The following CDH13 variants were observed in gnomAD, a reference collection of about 807,000 sequenced individuals.
CDH13 encodes cadherin 13.
In CDH13, 24 loss-of-function variants were observed where a neutral mutation model predicts 63.8. The ratio of observed to expected loss-of-function variants is 0.38; its 90% CI spans 0.27 to 0.53. The LOEUF (loss-of-function observed/expected upper bound fraction) is 0.53. Among genes scored for constraint, CDH13 ranks in the 20% least tolerant of loss-of-function variants. The pLI is 0.85. For synonymous variants in CDH13, 503 were observed against 355.3 expected (o/e 1.42, Z -4.67); for missense variants, 1,049 against 903.1 (o/e 1.16, Z -2.07).
At chr16:83,301,001 A>T (rs1350496305) in intron 5 of CDH13, among the ~76,000 whole-genome samples, 1 of 147,184 alleles carries the variant, frequency 6.8e-6, no homozygotes, top group Non-Finnish European at 1.5e-5. Flanking sequence ...GCACATGTTG[A>T]ACTGATACAT....
At chr16:83,254,952 T>TTTCTTTCTTTCG (rs1906040609) in intron 5 of CDH13, among the ~76,000 whole-genome samples, 70 of 145,610 alleles carry the variant, frequency 4.8e-4, no homozygotes, top group African/African-American at 1.7e-3. Flanking sequence ...TCTTTTTCTC[T>TTTCTTTCTTTCG]TTCTTTCTTT....
intron 6 of CDH13, among the ~76,000 whole-genome samples, chr16:83,415,474 A>T (rs1336249768): frequency 6.6e-6 from 1 of 152,158 alleles, no homozygotes; most frequent in East Asian, 1.9e-4. Context: ...AAGAAAACAA[A>T]AGACCAATAT....
chr16:83,536,243 G>C (rs1426233738), intron 7 of CDH13, among the ~76,000 whole-genome samples: 6 of 152,350 alleles, frequency 3.9e-5, no homozygotes, highest in Admixed American at 3.9e-4. Context: ...TTACAATGTA[G>C]TTGGGGGGAC....
At chr16:83,551,056 A>ATATCTATCTGTC in intron 7 of CDH13, among the ~76,000 whole-genome samples, 1 of 148,474 alleles carries the variant, frequency 6.7e-6, no homozygotes, top group East Asian at 2.0e-4. Flanking sequence ...TAAGTCATTT[A>ATATCTATCTGTC]TATCTATCTA....
rs893135454 is a variant in CDH13, at chr16:82,928,140, A to G, written c.157+69667A>G. ...CTATTTGGTCATTTTTCTCCATTCA[A>G]TAATATAAAGTAGGCAGTCGTGTAT... On this transcript the variant is annotated intron_variant, in intron 2 of 13. Transcript: ENST00000567109. Among the ~76,000 whole-genome samples, 6 of 145,836 alleles carry G rather than the reference A, an allele frequency of 4.1e-5. 1 individual carries two copies. The highest frequency in any genetic ancestry group is 9.0e-5 in the Non-Finnish European group (6 of 66,716).
intron 10 of CDH13, chr16:83,735,544 C>T (rs1911461139): frequency 6.6e-6 from 1 of 152,142 alleles, no homozygotes; most frequent in Non-Finnish European, 1.5e-5. Flanking sequence ...CTTCTTCAGC[C>T]CTCTCCCTGC....
chr16:83,568,824 C>T (rs1004524765), intron 7 of CDH13, among the ~76,000 whole-genome samples: 5 of 152,318 alleles, frequency 3.3e-5, no homozygotes, highest in Middle Eastern at 3.4e-3. Context: ...AAGCCACTCA[C>T]TTGCTGTTCT....
At chr16:82,904,825 G>A (rs903928090) in intron 2 of CDH13, among the ~76,000 whole-genome samples, 2 of 152,164 alleles carry the variant, frequency 1.3e-5, no homozygotes, top group Admixed American at 6.6e-5. Context: ...GTGGGCCACC[G>A]TTTCCCATGA....
intron 2 of CDH13, among the ~76,000 whole-genome samples, chr16:82,986,097 T>C (rs1008376472): frequency 6.6e-5 from 10 of 152,258 alleles, no homozygotes; most frequent in African/African-American, 2.2e-4. Context: ...AATGGACTAA[T>C]ACAGTAATAC....
At chr16:83,728,342 C>CGTGTGTGTGTGT (rs145865689) in intron 10 of CDH13, among the ~76,000 whole-genome samples, 38,765 of 149,132 alleles carry the variant, frequency 0.26, 5,189 homozygotes, top group Admixed American at 0.35. Context: ...TATGTGTGTG[C>CGTGTGTGTGTGT]GTGTGTGTGT....
chr16:83,278,029 C>A (rs2089046661), intron 5 of CDH13, among the ~76,000 whole-genome samples: 1 of 152,140 alleles, frequency 6.6e-6, no homozygotes, highest in African/African-American at 2.4e-5. Flanking sequence ...GATAAAAGGT[C>A]TCATAGTTCC....
At chr16:83,462,399 C>G (rs2073204438) in intron 6 of CDH13, among the ~76,000 whole-genome samples, 1 of 152,190 alleles carries the variant, frequency 6.6e-6, no homozygotes, top group African/African-American at 2.4e-5. Context: ...ATTTCAGTTT[C>G]TAGCTCTTTA....
intron 5 of CDH13, among the ~76,000 whole-genome samples, chr16:83,283,314 G>A (rs186142648): frequency 2.0e-4 from 30 of 152,252 alleles, no homozygotes; most frequent in African/African-American, 6.7e-4. Flanking sequence ...AGAATGGCTG[G>A]GTACGGTGGC....
At chr16:83,435,071 TC>T (rs1349011340) in intron 6 of CDH13, among the ~76,000 whole-genome samples, 4 of 150,730 alleles carry the variant, frequency 2.7e-5, no homozygotes, top group Non-Finnish European at 5.9e-5. Context: ...CGAGAGAGTT[TC>T]GCTCCTGTTT....
intron 4 of CDH13, among the ~76,000 whole-genome samples, chr16:83,216,138 T>C (rs2039501182): frequency 6.6e-6 from 1 of 151,774 alleles, no homozygotes; most frequent in Non-Finnish European, 1.5e-5. Context: ...GGAACTACTC[T>C]CCTCCACCTT....
intron 1 of CDH13, among the ~76,000 whole-genome samples, chr16:82,853,830 AT>A (rs1197523094): frequency 6.6e-6 from 1 of 152,208 alleles, no homozygotes; most frequent in East Asian, 1.9e-4. Context: ...TTAAAGATAA[AT>A]TTGGAATGAT....
chr16:82,871,683 A>G (rs2040346239), intron 2 of CDH13, among the ~76,000 whole-genome samples: 1 of 152,206 alleles, frequency 6.6e-6, no homozygotes, highest in South Asian at 2.1e-4. Flanking sequence ...CAGCAAAAAC[A>G]TATAAAATTA....
chr16:82,631,777 GA>G (rs935956718), intron 1 of CDH13, among the ~76,000 whole-genome samples: 18 of 152,230 alleles, frequency 1.2e-4, no homozygotes, highest in Non-Finnish European at 2.2e-4. Context: ...CAGCTTGGGG[GA>G]AGGCAGGAGA....
intron 5 of CDH13, among the ~76,000 whole-genome samples, chr16:83,227,642 G>A (rs1200278604): frequency 6.6e-6 from 1 of 152,152 alleles, no homozygotes; most frequent in Non-Finnish European, 1.5e-5. Flanking sequence ...CGGATAACCT[G>A]TGAGCAAAAC....
Sources: gnomAD v4.1 joint callset for allele counts (sites outside exome capture counted in the v4.1 genomes callset) on GRCh38, gnomAD v4.1.1 for gene constraint, MANE v1.5 for transcripts, NCBI Gene and HGNC (gene_info 2026-07-23, HGNC 2026-07-21) for gene names.